PELI3: variants seen among roughly 807,000 people sequenced by gnomAD.
PELI3 encodes pellino E3 ubiquitin protein ligase family member 3, also known as E3 ubiquitin-protein ligase pellino homolog 3.
PELI3 carries 19 observed loss-of-function variants against 35.5 expected under a neutral mutation model. The observed-to-expected ratio is 0.54, with a 90% CI of 0.37 to 0.79. The LOEUF (loss-of-function observed/expected upper bound fraction) is 0.79. Ranked by LOEUF, PELI3 falls within the 30% of genes least tolerant of loss-of-function variation. The probability of loss-of-function intolerance (pLI) is 0.00; values close to 1 mark genes in which losing one functional copy is unlikely to be tolerated. For missense variants in PELI3, 490 were observed against 661.2 expected, an observed-to-expected ratio of 0.74 and a Z score of 2.84; for synonymous variants, 262 against 279.2, an observed-to-expected ratio of 0.94 and a Z score of 0.62.
chr11:66,476,108 G>A lies in PELI3; in HGVS notation c.1351G>A (p.Ala451Thr). 4 of 1,598,924 alleles carry A rather than the reference G, an allele frequency of 2.5e-6. No individual in the cohort carries two copies. The highest frequency in any genetic ancestry group is 2.6e-6 in the Non-Finnish European group (3 of 1,175,850). Reference protein sequence around the residue: ...AFHAACPFCGAWLTGEHGCVR... With the variant: ...AFHAACPFCGTWLTGEHGCVR... ...CCATGCCGCCTGCCCCTTTTGCGGG[G>A]CCTGGCTTACCGGCGAGCATGGCTG... The change falls in exon 8 of 8, where the codon GCC becomes ACC. Residue 451 changes from alanine (A) to threonine (T), a missense_variant. Ala to Thr is a moderately conservative substitution (Grantham distance 58). This residue lies in a region of PELI3 where 349 missense variants were observed against 484.8 expected (regional missense o/e 0.72). Coordinates refer to ENST00000320740, the MANE Select transcript of PELI3 (RefSeq NM_145065.3).
chr11:66,476,536 C>T lies in PELI3; in HGVS notation c.*369C>T, dbSNP rs1296472211. The T allele has an allele frequency of 7.9e-6, 2 of 253,396 alleles. No homozygotes were observed. The highest frequency in any genetic ancestry group is 1.5e-5 in the Non-Finnish European group (2 of 131,668). 15.7% of individuals were successfully genotyped at this position (253,396 alleles called of 1,614,324 possible). On this transcript the variant is annotated 3_prime_UTR_variant, in exon 8 of 8. Coordinates refer to ENST00000320740, the MANE Select transcript of PELI3 (RefSeq NM_145065.3). ...TTAGGCTGGCTATGCCCTGAGCCTG[C>T]CAACCCAGTTTCAGACACTCATCCT...
chr11:66,466,365 C>T (rs1422364889), upstream of PELI3: 1 of 152,500 alleles, frequency 6.6e-6, no homozygotes, highest in East Asian at 1.9e-4. Context: ...AGCTGCTTTC[C>T]CCGGCCTCCA....
At chr11:66,471,449 T>C in intron 4 of PELI3, 78 bp downstream of exon 4, 1 of 1,552,998 alleles carries the variant, frequency 6.4e-7, no homozygotes, top group Non-Finnish European at 8.8e-7. Context: ...AGGTCCTACC[T>C]GCCCACAGCC....
At chr11:66,468,428 C>T in intron 2 of PELI3, 148 bp downstream of exon 2, 1 of 758,084 alleles carries the variant, frequency 1.3e-6, no homozygotes, top group Non-Finnish European at 1.9e-6. Flanking sequence ...ATTGACCAAA[C>T]CCACCTCAAT....
intron 7 of PELI3, 55 bp from the exon 8 acceptor site, chr11:66,475,543 C>A: frequency 6.3e-7 from 1 of 1,580,172 alleles, no homozygotes; most frequent in Admixed American, 1.8e-5. Context: ...TGGGATGGAC[C>A]CGCGGCTCAG....
In PELI3 at chr11:66,467,306, C is replaced by G. The variant is rs578135973; in HGVS notation, c.-2+279C>G. ...TGGGCCGCGGTTCCCGTTCTGCCCG[C>G]CCGGGGCGCAGGGCGCGGGCCTGCC... On this transcript the variant is annotated intron_variant, in intron 1 of 7. Transcript: ENST00000320740. The surrounding 1 kb of genome is among the most constrained non-coding windows in gnomAD (Gnocchi z 4.2). The G allele has an allele frequency of 3.9e-5, 6 of 152,048 alleles. No individual in the cohort carries two copies. The East Asian group carries it at 1.2e-3, about 30-fold the overall frequency. The allele number at this position is 152,048 out of a possible 1,614,324, so 9.4% of individuals were successfully genotyped here. A position where few individuals can be genotyped will look rare whatever the true frequency, so the allele number is the denominator to read the frequency against.
chr11:66,469,791 G>GTTTGTTTTTTTT (rs1854651787), intron 3 of PELI3, among the ~76,000 whole-genome samples: 2 of 124,610 alleles, frequency 1.6e-5, no homozygotes, highest in African/African-American at 6.2e-5. Flanking sequence ...CAGGGAATCT[G>GTTTGTTTTTTTT]TTTTTTTTTT....
Position 66,467,894 on chromosome 11 carries a change from A to G in PELI3, c.-1-234A>G, listed in dbSNP as rs1854592203. Among the ~76,000 whole-genome samples, 1 of 152,170 alleles carries G rather than the reference A, an allele frequency of 6.6e-6. No individual in the cohort carries two copies. The highest frequency in any genetic ancestry group is 2.4e-5 in the African/African-American group (1 of 41,442). On this transcript the variant is annotated intron_variant, in intron 1 of 7. Transcript: ENST00000320740. This position sits in a 1 kb window ranked among gnomAD's most constrained non-coding sequence, Gnocchi z 4.2. ...GCCTCTGGCCACCCCAAGTTGGTCC[A>G]TCTCTTTGGCACCACTGAATATCCT... is the stretch of plus-strand genomic sequence containing the variant.
chr11:66,476,399 T>C lies in PELI3; in HGVS notation c.*232T>C. On this transcript the variant is annotated 3_prime_UTR_variant, in exon 8 of 8. Coordinates refer to ENST00000320740, the MANE Select transcript of PELI3 (RefSeq NM_145065.3). The stretch of plus-strand genomic sequence containing the variant: ...CAGCACCAGCTCTGTCCTGGGTCGA[T>C]GGAGGAAAGCCCAGCCCCATGGCCT... 1 of 572,566 alleles carries C rather than the reference T, an allele frequency of 1.7e-6. No homozygotes were observed. Among genetic ancestry groups the C allele is most frequent in the Non-Finnish European group, 3.1e-6 (1 of 324,444 alleles). 35.5% of individuals were successfully genotyped at this position (572,566 alleles called of 1,614,324 possible). A position where few individuals can be genotyped will look rare whatever the true frequency, so the allele number is the denominator to read the frequency against.
chr11:66,468,046 G>C, intron 1 of PELI3, 82 bp from the exon 2 acceptor site: 5 of 1,473,186 alleles, frequency 3.4e-6, no homozygotes, highest in Non-Finnish European at 3.6e-6. Flanking sequence ...TAGCCTAGGC[G>C]GCCCTGCAGC....
intron 2 of PELI3, among the ~76,000 whole-genome samples, 159 bp from the exon 3 acceptor site, chr11:66,468,674 G>T (rs1054817126): frequency 6.6e-6 from 1 of 152,206 alleles, no homozygotes; most frequent in South Asian, 2.1e-4. Context: ...TGCAAATGGG[G>T]ATGATAATAA....
At chr11:66,469,335 C>T (rs1019460644) in intron 3 of PELI3, among the ~76,000 whole-genome samples, 1 of 151,354 alleles carries the variant, frequency 6.6e-6, no homozygotes, top group Non-Finnish European at 1.5e-5. Flanking sequence ...CTTTTAAATG[C>T]TTTGTCTCAT....
chr11:66,472,495 C>T (rs1854758881), intron 5 of PELI3, 25 bp downstream of exon 5: 3 of 1,587,878 alleles, frequency 1.9e-6, no homozygotes, highest in East Asian at 4.5e-5. Context: ...CTCCACACAC[C>T]TCCTGGCCAC....
At position 66,475,987 on chromosome 11, in the gene PELI3, G is replaced by T; in HGVS notation, c.1230G>T (p.Pro410=). Reference sequence around the variant, plus strand: ...CCGGCCTCTGCCTGGACCCTGGGCCGCCTAGCCATGCCTTTGCACCTTGCG... The same window carrying T: ...CCGGCCTCTGCCTGGACCCTGGGCCTCCTAGCCATGCCTTTGCACCTTGCG... ...QEAGLCLDPG[P]PSHAFAPCGH... The change falls in exon 8 of 8, where the codon CCG becomes CCT. Residue 410 remains proline (P), a synonymous_variant. Coordinates refer to ENST00000320740, the MANE Select transcript of PELI3 (RefSeq NM_145065.3). 8.1e-6 allele frequency: 13 copies of T among 1,611,848 alleles called. No individual in the cohort carries two copies. Among genetic ancestry groups the T allele is most frequent in the Non-Finnish European group, 1.1e-5 (13 of 1,179,776 alleles).
chr11:66,468,775 G>C, intron 2 of PELI3, 58 bp from the exon 3 acceptor site: 1 of 766,658 alleles, frequency 1.3e-6, no homozygotes, highest in Non-Finnish European at 2.4e-6. Context: ...AGTGTTCTGG[G>C]AGGCAGGCCT....
Position 66,473,828 on chromosome 11 carries a change from C to G in PELI3, c.743C>G (p.Ser248Cys), listed in dbSNP as rs1181187356. The change falls in exon 7 of 8, where the codon TCC becomes TGC. Residue 248 changes from serine (S) to cysteine (C), a missense_variant. Ser to Cys is a moderately radical substitution (Grantham distance 112). Around this residue, in one of 3 missense-constraint regions of PELI3, gnomAD observed 349 missense variants for 484.8 expected, o/e 0.72. Coordinates refer to ENST00000320740, the MANE Select transcript of PELI3 (RefSeq NM_145065.3). This position sits in a 1 kb window ranked among gnomAD's most constrained non-coding sequence, Gnocchi z 5.8. ...VLVMHPAGGFSEDSAPGVWRE... is the reference protein window; with the variant it reads ...VLVMHPAGGFCEDSAPGVWRE... ...GTGATGCACCCGGCAGGCGGCTTCT[C>G]CGAGGACTCAGCCCCGGGTGTCTGG... 8.1e-6 allele frequency: 13 copies of G among 1,613,784 alleles called. No homozygotes were observed. Among genetic ancestry groups the G allele is most frequent in the Non-Finnish European group, 1.1e-5 (13 of 1,180,014 alleles).
In PELI3 at chr11:66,476,322, C is replaced by A; in HGVS notation, c.*155C>A. 1 of 831,726 alleles carries A rather than the reference C, an allele frequency of 1.2e-6. No homozygotes were observed. Among genetic ancestry groups the A allele is most frequent in the Non-Finnish European group, 1.8e-6 (1 of 552,150 alleles). The allele number at this position is 831,726 out of a possible 1,614,324, so 51.5% of individuals were successfully genotyped here. On this transcript the variant is annotated 3_prime_UTR_variant, in exon 8 of 8. Transcript: ENST00000320740. ...GCTGTGCCCTTCCCCCCAACTGTGG[C>A]CCCCCAAGGAGGTCCCCAAGATCTC...
In PELI3 at chr11:66,473,834, A is replaced by T. The variant is rs1443444061; in HGVS notation, c.749A>T (p.Asp250Val). ...CACCCGGCAGGCGGCTTCTCCGAGG[A>T]CTCAGCCCCGGGTGTCTGGCGGGAG... Reference protein sequence around the residue: ...VMHPAGGFSEDSAPGVWREIS... With the variant: ...VMHPAGGFSEVSAPGVWREIS... Residue 250 changes from aspartate (D) to valine (V), a missense_variant, in exon 7 of 8, where the codon GAC becomes GTC. Asp to Val is a radical substitution (Grantham distance 152). Coordinates refer to ENST00000320740, the MANE Select transcript of PELI3 (RefSeq NM_145065.3). This position sits in a 1 kb window ranked among gnomAD's most constrained non-coding sequence, Gnocchi z 5.8. 1 of 1,613,688 alleles carries T rather than the reference A, an allele frequency of 6.2e-7. No individual in the cohort carries two copies. The highest frequency in any genetic ancestry group is 8.5e-7 in the Non-Finnish European group (1 of 1,179,950).
chr11:66,471,203 C>A (rs765627235), intron 3 of PELI3, 39 bp from the exon 4 acceptor site: 26 of 1,582,184 alleles, frequency 1.6e-5, no homozygotes, highest in Middle Eastern at 1.7e-4. Context: ...TCTCTCTCTC[C>A]TCTTGCAACC....
Sources: gnomAD v4.1 joint callset for allele counts (sites outside exome capture counted in the v4.1 genomes callset) on GRCh38, gnomAD v4.1.1 for gene constraint, gnomAD v4.1.1 regional missense constraint, Gnocchi (gnomAD v3.1) non-coding constraint, MANE v1.5 for transcripts, NCBI Gene and HGNC (gene_info 2026-07-23, HGNC 2026-07-21) for gene names.